RANBP2: variants seen among roughly 807,000 people sequenced by gnomAD.
The protein encoded by RANBP2 is E3 SUMO-protein ligase RanBP2.
Under a neutral mutation model 303.6 loss-of-function variants are expected in RANBP2, and 57 were observed. The ratio of observed to expected loss-of-function variants is 0.19; its 90% CI spans 0.15 to 0.23. The LOEUF (loss-of-function observed/expected upper bound fraction) is 0.23. RANBP2 is among the 10% of genes least tolerant of loss of function. The probability of loss-of-function intolerance (pLI) is 1.00; values close to 1 mark genes in which losing one functional copy is unlikely to be tolerated. For synonymous variants in RANBP2, 1,167 were observed against 1,301.5 expected (o/e 0.90, Z 2.23); for missense variants, 3,138 against 3,780.8 (o/e 0.83, Z 4.46).
At chr2:109,029,934 T>C in the RANBP2 span, among the ~76,000 whole-genome samples, 1 of 152,242 alleles carries the variant, frequency 6.6e-6, no homozygotes, top group Non-Finnish European at 1.5e-5. Context: ...AATAACCCTC[T>C]TGACTTGACA....
chr2:109,606,922 G>C, the RANBP2 span, among the ~76,000 whole-genome samples: 2 of 151,988 alleles, frequency 1.3e-5, no homozygotes, highest in African/African-American at 2.4e-5. Context: ...AAAGTGCTGG[G>C]ATTACAGGCA....
At chr2:109,494,756 A>G in the RANBP2 span, among the ~76,000 whole-genome samples, 1 of 152,076 alleles carries the variant, frequency 6.6e-6, no homozygotes, top group Admixed American at 6.5e-5. Context: ...CAAAATGCCA[A>G]GGAGGAATGG....
chr2:109,325,679 A>G, the RANBP2 span, among the ~76,000 whole-genome samples: 59 of 152,180 alleles, frequency 3.9e-4, no homozygotes, highest in African/African-American at 1.4e-3. Flanking sequence ...GTTCTTTTCT[A>G]TATGCCCACT....
chr2:108,771,709 A>G lies in RANBP2; in HGVS notation c.7858A>G (p.Lys2620Glu), dbSNP rs1677507078. Residue 2620 changes from lysine (K) to glutamate (E), a missense_variant, in exon 21 of 29, where the codon AAG (lysine) becomes GAG (glutamate). Transcript: ENST00000283195. Reference sequence around the variant, plus strand: ...TTTGACTGGTGTTACAGCAAAAGAGAAGAAAAAACCTGAAGATTCTCCCTC... The same window carrying G: ...TTTGACTGGTGTTACAGCAAAAGAGGAGAAAAAACCTGAAGATTCTCCCTC... ...TFKTPEKAKE[K>E]KKPEDSPSDD... 1.2e-6 allele frequency: 2 copies of G among 1,612,880 alleles called. No homozygotes were observed. Among genetic ancestry groups the G allele is most frequent in the Non-Finnish European group, 1.7e-6 (2 of 1,179,870 alleles).
At chr2:108,953,211 G>A in the RANBP2 span, among the ~76,000 whole-genome samples, 1 of 152,136 alleles carries the variant, frequency 6.6e-6, no homozygotes, top group Non-Finnish European at 1.5e-5. Flanking sequence ...TGGCTAAGCC[G>A]ATGCTTCAGA....
rs754548206 is a variant in RANBP2, at chr2:108,765,902, G to A, written c.5363G>A (p.Ser1788Asn). The change falls in exon 20 of 29, where the codon AGT (serine) becomes AAT (asparagine). Residue 1788 changes from serine to asparagine, a missense_variant. By Grantham distance (46) the Ser-to-Asn change is conservative. Around this residue, in one of 20 missense-constraint regions of RANBP2, gnomAD observed 348 missense variants for 360.4 expected, o/e 0.97. Coordinates refer to ENST00000283195, the MANE Select transcript of RANBP2 (RefSeq NM_006267.5). ...ATCAGGAAAGGACAGTGGGATTGTA[G>A]TGTTTGCTGTGTACAAAATGAGAGT... The part of the protein sequence containing the change: ...MFIRKGQWDC[S>N]VCCVQNESSS... The A allele has an allele frequency of 2.5e-6, 4 of 1,614,180 alleles. No homozygotes were observed. The highest frequency in any genetic ancestry group is 3.4e-6 in the Non-Finnish European group (4 of 1,180,006).
At position 108,781,292 on chromosome 2, in the gene RANBP2, A is replaced by C. The variant is rs1678240398; in HGVS notation, c.8623A>C (p.Thr2875Pro). ...SKDKNFQWANTGAAVFGTQSV... is the reference protein window; with the variant it reads ...SKDKNFQWANPGAAVFGTQSV... ...AGATAAAAATTTCCAATGGGCAAAT[A>C]CTGGAGCAGCTGTGTTTGGAACACA... Residue 2875 changes from threonine to proline, a missense_variant, in exon 26 of 29, where the codon ACT becomes CCT. By Grantham distance (38) the Thr-to-Pro change is conservative (BLOSUM62 -1). Transcript: ENST00000283195. The C allele has an allele frequency of 1.2e-6, 2 of 1,614,096 alleles. No homozygotes were observed. Among genetic ancestry groups the C allele is most frequent in the African/African-American group, 2.7e-5 (2 of 74,950 alleles).
At chr2:109,659,596 G>T in the RANBP2 span, among the ~76,000 whole-genome samples, 3 of 152,242 alleles carry the variant, frequency 2.0e-5, no homozygotes, top group Admixed American at 1.3e-4. Flanking sequence ...AGCCCCTGCA[G>T]CAGCTGCTGA....
chr2:109,346,867 A>T, the RANBP2 span, among the ~76,000 whole-genome samples: 1 of 152,340 alleles, frequency 6.6e-6, no homozygotes, highest in Admixed American at 6.5e-5. Context: ...CCCTTGAACA[A>T]TTGTACTTCT....
downstream of RANBP2, chr2:108,787,962 G>A (rs984704722): frequency 2.4e-6 from 3 of 1,246,350 alleles, no homozygotes; most frequent in Admixed American, 2.6e-5. Flanking sequence ...TACATAATTT[G>A]TGGGGAAATA....
chr2:109,509,968 ACT>A, the RANBP2 span, among the ~76,000 whole-genome samples: 1 of 152,130 alleles, frequency 6.6e-6, no homozygotes, highest in Non-Finnish European at 1.5e-5. Flanking sequence ...ATCGCAGGAA[ACT>A]CTTATCTAGT....
the RANBP2 span, among the ~76,000 whole-genome samples, chr2:108,991,829 CAG>C: frequency 3.9e-5 from 6 of 152,182 alleles, no homozygotes; most frequent in African/African-American, 1.4e-4. Flanking sequence ...TTTGGTGAGA[CAG>C]AGTCTTGCTC....
chr2:109,609,615 CA>C, the RANBP2 span, among the ~76,000 whole-genome samples: 57,677 of 97,692 alleles, frequency 0.59, 13,750 homozygotes, highest in African/African-American at 0.69. Flanking sequence ...GACTCCGCCT[CA>C]AAAAAAAAAA....
the RANBP2 span, among the ~76,000 whole-genome samples, chr2:109,682,837 C>T: frequency 0.96 from 146,700 of 152,160 alleles, 70,930 homozygotes; most frequent in Non-Finnish European, 1. Context: ...TGAAGACTGT[C>T]AACAAGCCTG....
At chr2:109,202,747 G>A in the RANBP2 span, among the ~76,000 whole-genome samples, 9 of 152,090 alleles carry the variant, frequency 5.9e-5, no homozygotes, top group African/African-American at 9.7e-5. Flanking sequence ...TGGGGCTGTC[G>A]ACAGCCCTTC....
the RANBP2 span, among the ~76,000 whole-genome samples, chr2:109,638,372 C>T: frequency 4.3e-4 from 65 of 152,266 alleles, no homozygotes; most frequent in Middle Eastern, 3.4e-3. Flanking sequence ...AACTACTCCC[C>T]GAAACTTTCA....
chr2:108,970,734 A>T, the RANBP2 span, among the ~76,000 whole-genome samples: 1 of 152,194 alleles, frequency 6.6e-6, no homozygotes, highest in African/African-American at 2.4e-5. Flanking sequence ...ATGGTTTTTT[A>T]AAAGCTATTT....
the RANBP2 span, among the ~76,000 whole-genome samples, chr2:108,890,129 A>ATTTTTT: frequency 6.9e-6 from 1 of 144,798 alleles, no homozygotes; most frequent in Non-Finnish European, 1.5e-5. Flanking sequence ...CTTGGCTGAC[A>ATTTTTT]TTTTTTTTTT....
the RANBP2 span, among the ~76,000 whole-genome samples, chr2:109,520,489 A>G: frequency 8.0e-5 from 12 of 149,758 alleles, no homozygotes; most frequent in Non-Finnish European, 3.0e-5. Flanking sequence ...AATCCCAGCT[A>G]CTCAGAAGGT....
Sources: gnomAD v4.1 joint callset for allele counts (sites outside exome capture counted in the v4.1 genomes callset) on GRCh38, gnomAD v4.1.1 for gene constraint, gnomAD v4.1.1 regional missense constraint, MANE v1.5 for transcripts, NCBI Gene and HGNC (gene_info 2026-07-23, HGNC 2026-07-21) for gene names.